PTPRT: variants seen among roughly 807,000 people sequenced by gnomAD.
PTPRT encodes receptor-type tyrosine-protein phosphatase T.
Under a neutral mutation model 176.8 loss-of-function variants are expected in PTPRT, and 56 were observed. The observed-to-expected ratio is 0.32, with a 90% CI of 0.26 to 0.40. The LOEUF (loss-of-function observed/expected upper bound fraction) is 0.40. Ranked by LOEUF, PTPRT falls within the 10% of genes least tolerant of loss-of-function variation. PTPRT has a pLI of 1.00. For synonymous variants in PTPRT, 783 were observed against 739.0 expected (o/e 1.06, Z -0.96); for missense variants, 1,540 against 1,908.2 (o/e 0.81, Z 3.60).
chr20:42,288,989 T>A (rs2057276657), intron 12 of PTPRT, among the ~76,000 whole-genome samples: 1 of 152,010 alleles, frequency 6.6e-6, no homozygotes, highest in African/African-American at 2.4e-5. Context: ...TACAACCAAC[T>A]GATCTTCAAC....
chr20:42,618,932 C>G (rs1267422582), intron 7 of PTPRT, among the ~76,000 whole-genome samples: 2 of 151,430 alleles, frequency 1.3e-5, no homozygotes, highest in East Asian at 3.9e-4. Context: ...AGAATTTAGT[C>G]CATTTACATT....
At chr20:42,647,426 C>T (rs546637762) in intron 7 of PTPRT, among the ~76,000 whole-genome samples, 35 of 152,182 alleles carry the variant, frequency 2.3e-4, no homozygotes, top group African/African-American at 7.2e-4. Context: ...CCTGGTGTCC[C>T]GTCAACAGCC....
intron 9 of PTPRT, among the ~76,000 whole-genome samples, chr20:42,403,142 G>GT (rs1443415865): frequency 1.3e-5 from 2 of 151,910 alleles, no homozygotes; most frequent in African/African-American, 4.8e-5. Flanking sequence ...TTTTTACATA[G>GT]TTTCAGTCAT....
At chr20:42,048,681 C>T in the PTPRT span, among the ~76,000 whole-genome samples, 1 of 152,286 alleles carries the variant, frequency 6.6e-6, no homozygotes, top group East Asian at 1.9e-4. Flanking sequence ...ATTAAGTCCT[C>T]CCAGTCATCC....
chr20:42,969,200 AG>A (rs1982478223), intron 1 of PTPRT: 2 of 152,202 alleles, frequency 1.3e-5, no homozygotes, highest in African/African-American at 4.8e-5. Flanking sequence ...AAAAAAGAAA[AG>A]ATTCAGCAGA....
chr20:43,002,108 T>C (rs932076234), intron 1 of PTPRT, among the ~76,000 whole-genome samples: 2 of 152,182 alleles, frequency 1.3e-5, no homozygotes, highest in Non-Finnish European at 1.5e-5. Context: ...CCATTTCTCC[T>C]GTGCATGCAC....
intron 7 of PTPRT, among the ~76,000 whole-genome samples, chr20:42,478,786 C>T (rs1015974339): frequency 1.3e-5 from 2 of 152,046 alleles, no homozygotes; most frequent in African/African-American, 2.4e-5. Context: ...TATCAGACTT[C>T]AGGGTTATTG....
At chr20:42,252,691 A>T (rs148859761) in intron 13 of PTPRT, among the ~76,000 whole-genome samples, 1 of 152,358 alleles carries the variant, frequency 6.6e-6, no homozygotes, top group East Asian at 1.9e-4. Flanking sequence ...AAAGAATTCC[A>T]AGACATTCCT....
intron 9 of PTPRT, among the ~76,000 whole-genome samples, chr20:42,370,053 C>T (rs1265216697): frequency 7.3e-6 from 1 of 137,268 alleles, no homozygotes; most frequent in Non-Finnish European, 1.6e-5. Flanking sequence ...CATGCTTACC[C>T]ATCCCAAATC....
At chr20:42,686,595 T>C (rs1210592984) in intron 6 of PTPRT, among the ~76,000 whole-genome samples, 1 of 149,428 alleles carries the variant, frequency 6.7e-6, no homozygotes, top group Non-Finnish European at 1.5e-5. Context: ...GTGATTCTCC[T>C]GCCTCAGCCT....
chr20:43,041,688 A>G (rs1986612828), intron 1 of PTPRT, among the ~76,000 whole-genome samples: 1 of 152,254 alleles, frequency 6.6e-6, no homozygotes, highest in Non-Finnish European at 1.5e-5. Context: ...GTTTACTGTC[A>G]TGCCAAATAT....
chr20:42,305,812 G>A (rs1032016728), intron 12 of PTPRT, among the ~76,000 whole-genome samples: 1 of 152,172 alleles, frequency 6.6e-6, no homozygotes, highest in Non-Finnish European at 1.5e-5. Flanking sequence ...CTAAGAAACG[G>A]AAAAGCCAGT....
At chr20:42,342,234 A>G (rs892778319) in intron 11 of PTPRT, among the ~76,000 whole-genome samples, 5 of 152,196 alleles carry the variant, frequency 3.3e-5, no homozygotes, top group African/African-American at 9.7e-5. Context: ...GGACAACCTC[A>G]TGGAGAAGGG....
chr20:43,148,227 C>G (rs150958674), intron 1 of PTPRT, among the ~76,000 whole-genome samples: 5 of 152,264 alleles, frequency 3.3e-5, no homozygotes, highest in Non-Finnish European at 7.4e-5. Flanking sequence ...TAAATATATG[C>G]TTCAATTGTT....
At chr20:42,201,720 G>C (rs1446046632) in intron 15 of PTPRT, among the ~76,000 whole-genome samples, 1 of 109,212 alleles carries the variant, frequency 9.2e-6, no homozygotes, top group African/African-American at 3.8e-5. Context: ...GACAGGGAGA[G>C]AACCAGAGGC....
intron 1 of PTPRT, among the ~76,000 whole-genome samples, chr20:42,891,069 G>A (rs1400607617): frequency 1.3e-5 from 2 of 152,130 alleles, no homozygotes; most frequent in Non-Finnish European, 2.9e-5. Flanking sequence ...CACTAAACCT[G>A]TTTCTTTATA....
rs530986068 is a variant in PTPRT, at chr20:42,268,684, G to A, written c.2176+13805C>T. ...GCACATATGATAATTAGTTTTGCAC[G>A]TGAAATAAGGCTATGCAACTTGCTT... On this transcript the variant is annotated intron_variant, in intron 13 of 30. Transcript: ENST00000373187. Among the ~76,000 whole-genome samples the A allele has an allele frequency of 3.3e-4, 51 of 152,318 alleles. 1 individual carries two copies. The highest frequency in any genetic ancestry group is 1.1e-3 in the African/African-American group (47 of 41,568).
intron 12 of PTPRT, among the ~76,000 whole-genome samples, chr20:42,290,538 C>T (rs1054190901): frequency 5.9e-5 from 9 of 152,140 alleles, no homozygotes; most frequent in Non-Finnish European, 1.2e-4. Flanking sequence ...AGGTTGCTTC[C>T]AGTCCTCAAT....
chr20:42,141,331 C>T (rs1988616196), intron 18 of PTPRT, among the ~76,000 whole-genome samples: 1 of 152,218 alleles, frequency 6.6e-6, no homozygotes, highest in African/African-American at 2.4e-5. Context: ...CCCCAAGCCC[C>T]AGGTGTATGC....
Sources: gnomAD v4.1 joint callset for allele counts (sites outside exome capture counted in the v4.1 genomes callset) on GRCh38, gnomAD v4.1.1 for gene constraint, MANE v1.5 for transcripts, NCBI Gene and HGNC (gene_info 2026-07-23, HGNC 2026-07-21) for gene names.